BMP5: variants seen among roughly 807,000 people sequenced by gnomAD.
BMP5 encodes bone morphogenetic protein 5.
BMP5 carries 23 observed loss-of-function variants against 46.6 expected under a neutral mutation model. That is an observed-to-expected ratio of 0.49 (90% CI 0.35 to 0.70). The LOEUF is 0.70. Ranked by LOEUF, BMP5 falls within the 30% of genes least tolerant of loss-of-function variation. BMP5 has a pLI of 0.00. For missense variants in BMP5, 545 were observed against 565.6 expected, an observed-to-expected ratio of 0.96 and a Z score of 0.37; for synonymous variants, 204 against 191.9, an observed-to-expected ratio of 1.06 and a Z score of -0.52.
chr6:55,756,810 C>T (rs925081749), intron 6 of BMP5, among the ~76,000 whole-genome samples: 1 of 151,958 alleles, frequency 6.6e-6, no homozygotes, highest in Non-Finnish European at 1.5e-5. Flanking sequence ...GCTTTATCTT[C>T]CATAACCCAC....
Position 55,818,923 on chromosome 6 carries a change from GAGAT to G in BMP5, c.683+728_683+731del, listed in dbSNP as rs199818485. Among the ~76,000 whole-genome samples, 1,470 of 151,816 alleles carry G rather than the reference GAGAT, an allele frequency of 9.7e-3. 10 individuals are homozygous for G. Among genetic ancestry groups the G allele is most frequent in the Middle Eastern group, 0.017 (5 of 294 alleles). ...ATTTCAAATAGATTTAGATACATGA[GAGAT>G]AGATAGATAGATAGATAGACAGACA... On this transcript the variant is annotated intron_variant, in intron 2 of 6. Transcript: ENST00000370830.
At chr6:55,825,548 A>T (rs533874612) in intron 1 of BMP5, among the ~76,000 whole-genome samples, 1 of 151,896 alleles carries the variant, frequency 6.6e-6, no homozygotes, top group East Asian at 1.9e-4. Flanking sequence ...TAAAACACAC[A>T]CTGAAGACTT....
intron 1 of BMP5, among the ~76,000 whole-genome samples, chr6:55,858,632 T>C (rs1453993743): frequency 2.0e-5 from 3 of 152,154 alleles, no homozygotes; most frequent in Admixed American, 6.5e-5. Context: ...CAAACAGAAA[T>C]TGAAACAAAT....
chr6:55,816,290 CTT>C (rs1371850007), intron 2 of BMP5, among the ~76,000 whole-genome samples: 12 of 151,954 alleles, frequency 7.9e-5, no homozygotes, highest in African/African-American at 2.9e-4. Flanking sequence ...AAATAAATAA[CTT>C]ATCCTTATCT....
At chr6:55,869,130 A>G (rs1378132856) in intron 1 of BMP5, among the ~76,000 whole-genome samples, 1 of 152,186 alleles carries the variant, frequency 6.6e-6, no homozygotes, top group African/African-American at 2.4e-5. Flanking sequence ...TTATGACTGT[A>G]AATGTGAGTA....
At chr6:55,765,491 T>A (rs1388727460) in intron 4 of BMP5, among the ~76,000 whole-genome samples, 2 of 152,114 alleles carry the variant, frequency 1.3e-5, no homozygotes, top group African/African-American at 2.4e-5. Context: ...TTTATAAAAA[T>A]TTAAAATGAT....
chr6:55,773,466 T>C (rs1160448070), intron 4 of BMP5, among the ~76,000 whole-genome samples: 1 of 151,656 alleles, frequency 6.6e-6, no homozygotes, highest in Non-Finnish European at 1.5e-5. Flanking sequence ...CTGACATGAA[T>C]TGTGCATTCG....
At chr6:55,775,607 C>G (rs1360113170) in intron 3 of BMP5, among the ~76,000 whole-genome samples, 1 of 151,692 alleles carries the variant, frequency 6.6e-6, no homozygotes, top group African/African-American at 2.4e-5. Flanking sequence ...TCTGGCTTGC[C>G]CCATGAGAGA....
At chr6:55,844,528 C>T (rs537826422) in intron 1 of BMP5, among the ~76,000 whole-genome samples, 25 of 151,782 alleles carry the variant, frequency 1.6e-4, no homozygotes, top group Admixed American at 5.9e-4. Flanking sequence ...GGATTTTTTT[C>T]TCGAGAGTGA....
intron 1 of BMP5, among the ~76,000 whole-genome samples, chr6:55,841,594 G>A (rs922327219): frequency 1.4e-5 from 2 of 138,544 alleles, no homozygotes; most frequent in African/African-American, 5.5e-5. Context: ...CACAGGTCTG[G>A]TGGTGGTGTT....
At chr6:55,872,081 CTTAT>C (rs1298636920) in intron 1 of BMP5, among the ~76,000 whole-genome samples, 2 of 151,692 alleles carry the variant, frequency 1.3e-5, no homozygotes, top group African/African-American at 2.4e-5. Flanking sequence ...TCTGAGTATG[CTTAT>C]TTATTTATTT....
At chr6:55,789,923 C>A (rs892839369) in intron 3 of BMP5, among the ~76,000 whole-genome samples, 2 of 152,104 alleles carry the variant, frequency 1.3e-5, no homozygotes, top group African/African-American at 4.8e-5. Flanking sequence ...AAATACATTG[C>A]AGTTCATTTG....
chr6:55,792,818 C>G (rs903739876), intron 3 of BMP5, among the ~76,000 whole-genome samples: 2 of 152,030 alleles, frequency 1.3e-5, no homozygotes, highest in Non-Finnish European at 2.9e-5. Flanking sequence ...TGTGTAACAC[C>G]GCAATGAAAA....
At chr6:55,764,458 A>G (rs912631620) in intron 4 of BMP5, among the ~76,000 whole-genome samples, 1 of 151,970 alleles carries the variant, frequency 6.6e-6, no homozygotes, top group Non-Finnish European at 1.5e-5. Flanking sequence ...CTGTAGTCCC[A>G]GCTACTCAGG....
chr6:55,828,761 G>A (rs1776590247), intron 1 of BMP5, among the ~76,000 whole-genome samples: 1 of 151,764 alleles, frequency 6.6e-6, no homozygotes, highest in South Asian at 2.1e-4. Flanking sequence ...GGGAAATGGA[G>A]TGGGTTTAAG....
rs540351001 is a variant in BMP5, at chr6:55,832,001, T to G, written c.491-12154A>C. Among the ~76,000 whole-genome samples, 6 of 152,268 alleles carry G rather than the reference T, an allele frequency of 3.9e-5. No homozygotes were observed. The East Asian group carries it at 1.2e-3, about 29-fold the overall frequency. On this transcript the variant is annotated intron_variant, in intron 1 of 6. Transcript: ENST00000370830. ...AAGGGAGATTTCAGGACAACGGCTG[T>G]GCTCCAAGTATAGGAGGCAAATAGT...
intron 2 of BMP5, among the ~76,000 whole-genome samples, chr6:55,795,118 G>A (rs7750662): frequency 0.93 from 141,929 of 152,186 alleles, 66,355 homozygotes; most frequent in East Asian, 1. Flanking sequence ...TGTTATTAAC[G>A]TTTATGGTTG....
At chr6:55,826,177 T>G (rs1776527213) in intron 1 of BMP5, among the ~76,000 whole-genome samples, 2 of 151,776 alleles carry the variant, frequency 1.3e-5, no homozygotes, top group African/African-American at 4.8e-5. Context: ...AAACTCCAGA[T>G]TCCAGAAGTC....
Position 55,875,547 on chromosome 6 carries a change from C to G in BMP5, c.-682G>C, listed in dbSNP as rs575927714. ...TTCTTACTGTTAATTCCACCTCCAG[C>G]AGGCACAAATATACCAGCCCTCTTC... On this transcript the variant is annotated 5_prime_UTR_variant, in exon 1 of 7. Coordinates refer to ENST00000370830, the MANE Select transcript of BMP5 (RefSeq NM_021073.4). 6.5e-6 allele frequency: 1 copy of G among 152,786 alleles called. No individual in the cohort carries two copies. Among genetic ancestry groups the G allele is most frequent in the African/African-American group, 2.4e-5 (1 of 41,424 alleles). 9.5% of individuals were successfully genotyped at this position (152,786 alleles called of 1,614,324 possible).
Sources: gnomAD v4.1 joint callset for allele counts (sites outside exome capture counted in the v4.1 genomes callset) on GRCh38, gnomAD v4.1.1 for gene constraint, MANE v1.5 for transcripts, NCBI Gene and HGNC (gene_info 2026-07-23, HGNC 2026-07-21) for gene names.